The following SCN9A variants were observed in gnomAD, a reference collection of about 807,000 sequenced individuals.
SCN9A encodes sodium voltage-gated channel alpha subunit 9.
A neutral mutation model predicts 187.0 loss-of-function variants in SCN9A; 131 were observed. That is an observed-to-expected ratio of 0.70 (90% CI 0.61 to 0.81). The LOEUF is 0.81. Ranked by LOEUF, SCN9A falls within the 30% of genes least tolerant of loss-of-function variation. The pLI, the probability that SCN9A is intolerant of heterozygous loss-of-function variation, is 0.00. For synonymous variants in SCN9A, 809 were observed against 808.6 expected (o/e 1.00, Z -0.01); for missense variants, 2,252 against 2,396.6 (o/e 0.94, Z 1.26).
At chr2:166,292,952 T>C (rs116014497) in intron 9 of SCN9A, among the ~76,000 whole-genome samples, 38 of 152,214 alleles carry the variant, frequency 2.5e-4, no homozygotes, top group African/African-American at 9.1e-4. Context: ...AACATTACAG[T>C]ATGTCCTGGT....
intron 1 of SCN9A, among the ~76,000 whole-genome samples, chr2:166,362,781 C>T (rs2105317790): frequency 6.6e-6 from 1 of 151,904 alleles, no homozygotes; most frequent in Admixed American, 6.5e-5. Context: ...GGCTTGGATT[C>T]TGAGATAAAG....
chr2:166,307,796 A>G (rs1427744313), intron 2 of SCN9A, among the ~76,000 whole-genome samples: 1 of 152,258 alleles, frequency 6.6e-6, no homozygotes, highest in Non-Finnish European at 1.5e-5. Context: ...GTTAAGAAAT[A>G]AAAACAACCA....
chr2:166,201,403 C>A (rs1370415090), intron 26 of SCN9A, among the ~76,000 whole-genome samples: 1 of 146,240 alleles, frequency 6.8e-6, no homozygotes, highest in Non-Finnish European at 1.5e-5. Flanking sequence ...TGCATATACG[C>A]TATATAGCAT....
At chr2:166,347,204 C>T (rs1699921000) in intron 1 of SCN9A, among the ~76,000 whole-genome samples, 1 of 152,206 alleles carries the variant, frequency 6.6e-6, no homozygotes, top group African/African-American at 2.4e-5. Flanking sequence ...GTCTTTATAG[C>T]CCATTCCTCT....
At chr2:166,224,061 T>C (rs1388763896) in intron 24 of SCN9A, among the ~76,000 whole-genome samples, 2 of 152,188 alleles carry the variant, frequency 1.3e-5, no homozygotes, top group Non-Finnish European at 2.9e-5. Context: ...CATCCTATTT[T>C]ACTTCCTGCA....
chr2:166,229,553 C>T (rs78199606), intron 21 of SCN9A, among the ~76,000 whole-genome samples: 3,154 of 151,818 alleles, frequency 0.021, 121 homozygotes, highest in African/African-American at 0.073. Flanking sequence ...AGACATTCTC[C>T]ACAAAAGGAT....
At chr2:166,306,410 G>T in intron 4 of SCN9A, 100 bp downstream of exon 4, 3 of 740,648 alleles carry the variant, frequency 4.1e-6, no homozygotes, top group Non-Finnish European at 7.2e-6. Context: ...GGAAGGTAAA[G>T]ATTCCCCATC....
intron 24 of SCN9A, among the ~76,000 whole-genome samples, chr2:166,222,961 A>AAAAAAAAAAAAAAAAC (rs1558960939): frequency 7.1e-6 from 1 of 140,480 alleles, no homozygotes; most frequent in African/African-American, 2.9e-5. Flanking sequence ...AAAAAAAAAA[A>AAAAAAAAAAAAAAAAC]AAAAAAAAAA....
intron 17 of SCN9A, among the ~76,000 whole-genome samples, chr2:166,257,047 A>C (rs919157252): frequency 6.6e-6 from 1 of 151,662 alleles, no homozygotes; most frequent in African/African-American, 2.4e-5. Flanking sequence ...TTTCTAATGA[A>C]AAGAAGAGAA....
At chr2:166,237,702 A>G (rs115146723) in intron 20 of SCN9A, among the ~76,000 whole-genome samples, 3,143 of 152,268 alleles carry the variant, frequency 0.021, 120 homozygotes, top group African/African-American at 0.072. Context: ...ATTTTACATT[A>G]TGAATAATCA....
intron 13 of SCN9A, among the ~76,000 whole-genome samples, chr2:166,280,981 A>G (rs1448780210): frequency 6.6e-6 from 1 of 152,204 alleles, no homozygotes; most frequent in Non-Finnish European, 1.5e-5. Flanking sequence ...AGATGAGACT[A>G]TTCTGTCCAG....
intron 15 of SCN9A, 171 bp downstream of exon 15, chr2:166,277,969 G>C (rs1697311609): frequency 3.9e-6 from 2 of 519,368 alleles, no homozygotes; most frequent in Admixed American, 7.7e-5. Flanking sequence ...AAATATTCAT[G>C]TGGTTTTAGT....
intron 2 of SCN9A, among the ~76,000 whole-genome samples, chr2:166,307,720 G>T (rs1400007536): frequency 1.3e-5 from 2 of 152,030 alleles, no homozygotes; most frequent in East Asian, 3.9e-4. Context: ...ATGAATAGAA[G>T]CAAACATTCT....
intron 3 of SCN9A, 148 bp downstream of exon 3, chr2:166,306,808 C>T (rs1698773040): frequency 4.7e-6 from 3 of 637,768 alleles, no homozygotes; most frequent in Non-Finnish European, 8.3e-6. Flanking sequence ...TCTCTGAGAC[C>T]CATGACAAAT....
intron 26 of SCN9A, among the ~76,000 whole-genome samples, chr2:166,202,578 T>A (rs974227632): frequency 1.3e-5 from 2 of 151,816 alleles, no homozygotes; most frequent in African/African-American, 4.8e-5. Context: ...CTTGAATTTA[T>A]AGATTAATAA....
chr2:166,245,293 C>T (rs1387590602), intron 18 of SCN9A, among the ~76,000 whole-genome samples: 1 of 151,880 alleles, frequency 6.6e-6, no homozygotes, highest in Non-Finnish European at 1.5e-5. Flanking sequence ...GTCATATATC[C>T]TAATATCAGT....
intron 1 of SCN9A, among the ~76,000 whole-genome samples, chr2:166,323,533 C>T (rs749217434): frequency 1.3e-5 from 2 of 152,024 alleles, no homozygotes; most frequent in African/African-American, 2.4e-5. Flanking sequence ...GAAGTAAACA[C>T]CAACACTAAT....
chr2:166,288,854 T>C (rs985134168), intron 9 of SCN9A, among the ~76,000 whole-genome samples: 4 of 152,138 alleles, frequency 2.6e-5, no homozygotes, highest in African/African-American at 9.7e-5. Flanking sequence ...ACTAAAGTCA[T>C]GTAAGATTCT....
intron 1 of SCN9A, among the ~76,000 whole-genome samples, chr2:166,365,901 AC>A (rs1472170261): frequency 6.6e-6 from 1 of 152,202 alleles, no homozygotes. Flanking sequence ...TCTGATGTCT[AC>A]AATAAAACTT....
Sources: gnomAD v4.1 joint callset for allele counts (sites outside exome capture counted in the v4.1 genomes callset) on GRCh38, gnomAD v4.1.1 for gene constraint, MANE v1.5 for transcripts, NCBI Gene and HGNC (gene_info 2026-07-23, HGNC 2026-07-21) for gene names.